Variants in KIF21A observed in about 807,000 individuals in gnomAD.
KIF21A encodes kinesin-like protein KIF21A.
A neutral mutation model predicts 202.9 loss-of-function variants in KIF21A; 114 were observed. That is an observed-to-expected ratio of 0.56 (90% CI 0.48 to 0.66). The LOEUF (loss-of-function observed/expected upper bound fraction) is 0.66. Among genes scored for constraint, KIF21A ranks in the 30% least tolerant of loss-of-function variants. The pLI is 0.00. For synonymous variants in KIF21A, 667 were observed against 670.8 expected (o/e 0.99, Z 0.09); for missense variants, 1,677 against 1,994.9 (o/e 0.84, Z 3.04).
At chr12:39,331,173 GA>G (rs769944321) in intron 22 of KIF21A, among the ~76,000 whole-genome samples, 121 of 151,792 alleles carry the variant, frequency 8.0e-4, no homozygotes, top group Middle Eastern at 3.4e-3. Flanking sequence ...AATTAAGTGA[GA>G]TGGCATAAGA....
At chr12:39,422,878 C>G (rs1027005703) in intron 1 of KIF21A, among the ~76,000 whole-genome samples, 18 of 152,282 alleles carry the variant, frequency 1.2e-4, no homozygotes, top group African/African-American at 3.8e-4. Flanking sequence ...CATCTGCCAT[C>G]AGCAGTATAG....
rs755232716 is a variant in KIF21A, at chr12:39,341,513, T to C, written c.1913A>G (p.Asp638Gly). Residue 638 changes from aspartate (D) to glycine (G), a missense_variant, in exon 14 of 38, where the codon GAT becomes GGT. Around this residue, in one of 3 missense-constraint regions of KIF21A, gnomAD observed 966 missense variants for 1,180.9 expected, o/e 0.82. Transcript: ENST00000361418. ...ESSDESDSES[D>G]EKANYQADLA... ...TACCAAAGGGCAAGTACCTTTTTCA[T>C]CTGATTCAGAATCTGATTCATCAGA... 1 of 1,613,154 alleles carries C rather than the reference T, an allele frequency of 6.2e-7. No individual in the cohort carries two copies. The highest frequency in any genetic ancestry group is 8.5e-7 in the Non-Finnish European group (1 of 1,179,648).
At chr12:39,407,991 G>C (rs1404201923) in intron 1 of KIF21A, among the ~76,000 whole-genome samples, 1 of 151,518 alleles carries the variant, frequency 6.6e-6, no homozygotes, top group Admixed American at 6.6e-5. Flanking sequence ...AAATAGTCAA[G>C]AGAAAAAAAC....
intron 6 of KIF21A, among the ~76,000 whole-genome samples, chr12:39,363,879 G>A (rs976510609): frequency 6.6e-6 from 1 of 152,158 alleles, no homozygotes; most frequent in East Asian, 1.9e-4. Context: ...TCAGCTAAGC[G>A]TGGTGGTGTG....
chr12:39,331,328 T>C (rs994298897), intron 22 of KIF21A, among the ~76,000 whole-genome samples: 4 of 152,214 alleles, frequency 2.6e-5, no homozygotes, highest in Non-Finnish European at 4.4e-5. Context: ...TAAATTATTT[T>C]TTCTTTTCTG....
In KIF21A at chr12:39,315,219, C is replaced by A; in HGVS notation, c.3959+10G>T. 1 of 1,611,476 alleles carries A rather than the reference C, an allele frequency of 6.2e-7. No individual in the cohort carries two copies. The highest frequency in any genetic ancestry group is 1.3e-5 in the African/African-American group (1 of 74,828). ...AATGAAATTAATTTCCTCTCCCTTC[C>A]CCTGCCTACCTTCTGGAGGATCTGC... is the stretch of plus-strand genomic sequence containing the variant. On this transcript the variant is annotated intron_variant, in intron 31 of 37. Coordinates refer to ENST00000361418, the MANE Select transcript of KIF21A (RefSeq NM_001173464.2).
At chr12:39,352,380 T>TA (rs1565916050) in intron 10 of KIF21A, among the ~76,000 whole-genome samples, 1 of 152,130 alleles carries the variant, frequency 6.6e-6, no homozygotes, top group African/African-American at 2.4e-5. Flanking sequence ...CACAAAATAA[T>TA]AAAAATAATC....
chr12:39,330,939 G>A (rs1946454394), intron 22 of KIF21A, 28 bp from the exon 23 acceptor site: 2 of 1,611,334 alleles, frequency 1.2e-6, no homozygotes, highest in Non-Finnish European at 1.7e-6. Flanking sequence ...ATTATCTTAG[G>A]TCATACGAAA....
intron 1 of KIF21A, among the ~76,000 whole-genome samples, chr12:39,395,633 G>A (rs1388928177): frequency 6.6e-6 from 1 of 152,018 alleles, no homozygotes; most frequent in Non-Finnish European, 1.5e-5. Flanking sequence ...CCTGAGGTCA[G>A]GAGTTGGAGA....
At position 39,332,630 on chromosome 12, in the gene KIF21A, G is replaced by C; in HGVS notation, c.2817C>G (p.Thr939=). ...TCATATCTGCCTCCATGTTGGAAAT[G>C]GTCATCTTCTGCATGATGATGTCTG... ...RVTDIIMQKM[T]ISNMEADMNR... Residue 939 remains threonine (T), a synonymous_variant, in exon 20 of 38, where the codon ACC becomes ACG. Coordinates refer to ENST00000361418, the MANE Select transcript of KIF21A (RefSeq NM_001173464.2). 1 of 1,613,870 alleles carries C rather than the reference G, an allele frequency of 6.2e-7. No individual in the cohort carries two copies. The highest frequency in any genetic ancestry group is 8.5e-7 in the Non-Finnish European group (1 of 1,179,874).
chr12:39,403,471 ATAACT>A (rs558431284), intron 1 of KIF21A, among the ~76,000 whole-genome samples: 271 of 152,340 alleles, frequency 1.8e-3, no homozygotes, highest in African/African-American at 5.8e-3. Context: ...TCAATTTTAG[ATAACT>A]TAATATGGTT....
rs377195631 is a variant in KIF21A, at chr12:39,394,523, A to G, written c.45-24262T>C. 6.6e-5 allele frequency among the ~76,000 whole-genome samples: 10 copies of G among 152,342 alleles called. No individual in the cohort carries two copies. In the East Asian group the frequency reaches 1.3e-3, roughly 21 times the overall value. On this transcript the variant is annotated intron_variant, in intron 1 of 37. Transcript: ENST00000361418. Reference sequence around the variant, plus strand: ...ATTTACATAGTTTACATTAGTTCCAATCTTAAGACTGGAACTAATTAGTTA... The same window carrying G: ...ATTTACATAGTTTACATTAGTTCCAGTCTTAAGACTGGAACTAATTAGTTA...
intron 22 of KIF21A, 83 bp from the exon 23 acceptor site, chr12:39,330,994 T>C: frequency 4.9e-6 from 7 of 1,418,704 alleles, no homozygotes; most frequent in Non-Finnish European, 7.0e-6. Context: ...CAAATGAATA[T>C]GATATATGGG....
At position 39,366,923 on chromosome 12, in the gene KIF21A, G is replaced by T. The variant is rs1670030945; in HGVS notation, c.735+107C>A. ...GGATCAGAAAAGGAAATTAGAAAAA[G>T]GAATGACTAAATGAACTGAATTTGG... On this transcript the variant is annotated intron_variant, in intron 5 of 37. Transcript: ENST00000361418. The T allele has an allele frequency of 4.6e-6, 5 of 1,077,448 alleles. No homozygotes were observed. The South Asian group carries it at 6.6e-5, about 14-fold the overall frequency. 66.7% of individuals were successfully genotyped at this position (1,077,448 alleles called of 1,614,324 possible). A position where few individuals can be genotyped will look rare whatever the true frequency, so the allele number is the denominator to read the frequency against.
At chr12:39,392,379 A>G (rs143801552) in intron 1 of KIF21A, among the ~76,000 whole-genome samples, 301 of 152,236 alleles carry the variant, frequency 2.0e-3, no homozygotes, top group Middle Eastern at 0.01. Context: ...CCCTGTTTGT[A>G]TAACCACCAG....
intron 10 of KIF21A, among the ~76,000 whole-genome samples, chr12:39,353,780 A>G (rs1948574141): frequency 6.6e-6 from 1 of 152,164 alleles, no homozygotes; most frequent in Non-Finnish European, 1.5e-5. Context: ...AAGGCCTTTT[A>G]GGGATTACCT....
At chr12:39,308,425 A>T (rs1353666608) in intron 33 of KIF21A, among the ~76,000 whole-genome samples, 2 of 151,972 alleles carry the variant, frequency 1.3e-5, no homozygotes, top group Admixed American at 1.3e-4. Context: ...CGTTGCCACA[A>T]AAGTAATTTA....
At chr12:39,378,686 C>T (rs1339384076) in intron 1 of KIF21A, among the ~76,000 whole-genome samples, 1 of 152,112 alleles carries the variant, frequency 6.6e-6, no homozygotes, top group Admixed American at 6.5e-5. Flanking sequence ...GGAGCACCTA[C>T]TAAATGTCAG....
chr12:39,359,761 A>G (rs1439694070), intron 7 of KIF21A, among the ~76,000 whole-genome samples: 1 of 151,974 alleles, frequency 6.6e-6, no homozygotes, highest in African/African-American at 2.4e-5. Flanking sequence ...TCTTTGACCC[A>G]CAACACCTTG....
Sources: allele counts gnomAD v4.1 joint callset (sites outside exome capture counted in the v4.1 genomes callset), GRCh38; gene constraint gnomAD v4.1.1; regional missense constraint gnomAD v4.1.1; transcripts MANE v1.5; gene names NCBI Gene and HGNC (gene_info 2026-07-23, HGNC 2026-07-21).